GLDN: variants seen among roughly 807,000 people sequenced by gnomAD.
GLDN encodes the protein collomin.
A neutral mutation model predicts 56.5 loss-of-function variants in GLDN; 47 were observed. That is an observed-to-expected ratio of 0.83 (90% CI 0.66 to 1.06). The LOEUF is 1.06. Ranked by LOEUF, GLDN falls within the 50% of genes least tolerant of loss-of-function variation. The pLI is 0.00. For synonymous variants in GLDN, 332 were observed against 278.8 expected, an observed-to-expected ratio of 1.19 and a Z score of -1.90; for missense variants, 782 against 714.3, an observed-to-expected ratio of 1.09 and a Z score of -1.08.
chr15:51,361,965 T>G (rs2037308921), intron 1 of GLDN, among the ~76,000 whole-genome samples: 1 of 151,496 alleles, frequency 6.6e-6, no homozygotes, highest in Non-Finnish European at 1.5e-5. Flanking sequence ...GAGAGGAGGA[T>G]TAGGGAGGGG....
intron 5 of GLDN, among the ~76,000 whole-genome samples, chr15:51,395,314 A>C (rs1566950123): frequency 6.6e-6 from 1 of 152,240 alleles, no homozygotes; most frequent in Non-Finnish European, 1.5e-5. Context: ...ACGACACCTC[A>C]GAGGACAACT....
chr15:51,364,470 C>A (rs1448955510), intron 1 of GLDN, among the ~76,000 whole-genome samples: 1 of 152,168 alleles, frequency 6.6e-6, no homozygotes, highest in Non-Finnish European at 1.5e-5. Flanking sequence ...GCCTTGAACT[C>A]CTGGGCTCAA....
rs2038157417 is a variant in GLDN, at chr15:51,397,492, A to C, written c.711A>C (p.Pro237=). The C allele has an allele frequency of 1.9e-6, 3 of 1,548,308 alleles. No homozygotes were observed. The highest frequency in any genetic ancestry group is 1.4e-5 in the African/African-American group (1 of 70,696). Residue 237 remains proline, a synonymous_variant, in exon 6 of 10, where the codon CCA becomes CCC. Coordinates refer to ENST00000335449, the MANE Select transcript of GLDN (RefSeq NM_181789.4). ...CAGGTGCCAAAGGTGACCAAGGCCCACCCGGTCCACCTGGGCCCCCAGGCC... is the reference window on the plus strand; with the variant it reads ...CAGGTGCCAAAGGTGACCAAGGCCCCCCCGGTCCACCTGGGCCCCCAGGCC... ...LLAGAKGDQG[P]PGPPGPPGPP...
chr15:51,364,762 C>G (rs902183401), intron 1 of GLDN, among the ~76,000 whole-genome samples: 1 of 152,090 alleles, frequency 6.6e-6, no homozygotes, highest in Non-Finnish European at 1.5e-5. Context: ...TTTTCTCCCT[C>G]ATTATTGGTT....
At chr15:51,355,413 T>G (rs2037155524) in intron 1 of GLDN, among the ~76,000 whole-genome samples, 1 of 152,186 alleles carries the variant, frequency 6.6e-6, no homozygotes, top group Non-Finnish European at 1.5e-5. Flanking sequence ...AGCATGCTAA[T>G]GCATTATTAA....
At chr15:51,367,829 CA>C (rs1268250031) in intron 1 of GLDN, among the ~76,000 whole-genome samples, 1 of 152,132 alleles carries the variant, frequency 6.6e-6, no homozygotes, top group Admixed American at 6.5e-5. Flanking sequence ...TGCCCTGACT[CA>C]AGATAGTGTG....
chr15:51,397,754 C>G (rs2038166555), intron 6 of GLDN, among the ~76,000 whole-genome samples, 156 bp downstream of exon 6: 1 of 152,182 alleles, frequency 6.6e-6, no homozygotes, highest in Admixed American at 6.5e-5. Context: ...CACAGGAGTT[C>G]TTTGTAGTCT....
chr15:51,354,897 G>T (rs1489875708), intron 1 of GLDN, among the ~76,000 whole-genome samples: 5 of 152,196 alleles, frequency 3.3e-5, no homozygotes, highest in Non-Finnish European at 5.9e-5. Flanking sequence ...CAAGAAGAAA[G>T]TTAGAAAGTT....
At chr15:51,342,592 C>T (rs2036906633) in intron 1 of GLDN, among the ~76,000 whole-genome samples, 1 of 152,184 alleles carries the variant, frequency 6.6e-6, no homozygotes, top group African/African-American at 2.4e-5. Flanking sequence ...GAAAACAGCC[C>T]TAGTTTTACT....
chr15:51,412,569 C>T (rs2038478291), downstream of GLDN, among the ~76,000 whole-genome samples: 1 of 152,214 alleles, frequency 6.6e-6, no homozygotes, highest in South Asian at 2.1e-4. Context: ...AACATATGCA[C>T]TCCAGCTTTC....
intron 2 of GLDN, among the ~76,000 whole-genome samples, chr15:51,383,224 C>T (rs567594043): frequency 3.2e-4 from 48 of 152,280 alleles, no homozygotes; most frequent in African/African-American, 1.2e-3. Context: ...AATCTTGGTT[C>T]ATTGAAACAA....
At chr15:51,364,410 C>T (rs561870583) in intron 1 of GLDN, among the ~76,000 whole-genome samples, 2 of 152,286 alleles carry the variant, frequency 1.3e-5, no homozygotes, top group Admixed American at 6.5e-5. Context: ...GACAGGCTCT[C>T]GCTCTGTCAC....
At chr15:51,383,395 T>C in intron 2 of GLDN, 41 bp from the exon 3 acceptor site, 1 of 1,612,018 alleles carries the variant, frequency 6.2e-7, no homozygotes, top group Non-Finnish European at 8.5e-7. Flanking sequence ...GTTTTCTGGG[T>C]TCGGTGCTGG....
intron 1 of GLDN, among the ~76,000 whole-genome samples, chr15:51,360,958 G>T (rs1372113321): frequency 6.6e-6 from 1 of 152,222 alleles, no homozygotes; most frequent in East Asian, 1.9e-4. Context: ...TAATTCTTTT[G>T]TCCATTCCTC....
At chr15:51,351,776 G>T (rs1595801791) in intron 1 of GLDN, among the ~76,000 whole-genome samples, 1 of 152,200 alleles carries the variant, frequency 6.6e-6, no homozygotes, top group Non-Finnish European at 1.5e-5. Context: ...GTATGTGGTG[G>T]TGGTAAGCAG....
At chr15:51,381,598 C>T (rs140987220) in intron 2 of GLDN, among the ~76,000 whole-genome samples, 2 of 152,192 alleles carry the variant, frequency 1.3e-5, no homozygotes, top group East Asian at 3.9e-4. Flanking sequence ...GTATTGCAGG[C>T]CCCCTGTTAT....
At chr15:51,385,725 G>A (rs1297839468) in intron 4 of GLDN, among the ~76,000 whole-genome samples, 1 of 152,166 alleles carries the variant, frequency 6.6e-6, no homozygotes, top group Non-Finnish European at 1.5e-5. Flanking sequence ...AGGGTCTCAG[G>A]GTTTCTGGGG....
chr15:51,372,059 G>T (rs1249520849), intron 1 of GLDN, among the ~76,000 whole-genome samples: 8 of 152,318 alleles, frequency 5.3e-5, no homozygotes, highest in South Asian at 2.1e-4. Flanking sequence ...CAGCCTTCTT[G>T]TTGGTGAGGA....
intron 4 of GLDN, chr15:51,384,154 G>A (rs937610400): frequency 6.6e-6 from 3 of 457,720 alleles, no homozygotes; most frequent in South Asian, 2.2e-5. Context: ...GATGGGAGGT[G>A]GAAGGAGCAG....
Sources: gnomAD v4.1 joint callset for allele counts (sites outside exome capture counted in the v4.1 genomes callset) on GRCh38, gnomAD v4.1.1 for gene constraint, MANE v1.5 for transcripts, NCBI Gene and HGNC (gene_info 2026-07-23, HGNC 2026-07-21) for gene names.